The following FHIP1A variants were observed in gnomAD, a reference collection of about 807,000 sequenced individuals.
The protein encoded by FHIP1A is FHF complex subunit HOOK-interacting protein 1A.
FHIP1A carries 61 observed loss-of-function variants against 88.6 expected under a neutral mutation model. The observed-to-expected ratio is 0.69, with a 90% CI of 0.56 to 0.85. The LOEUF is 0.85. Ranked by LOEUF, FHIP1A falls within the 40% of genes least tolerant of loss-of-function variation. FHIP1A has a pLI of 0.00. For synonymous variants in FHIP1A, 478 were observed against 496.0 expected (o/e 0.96, Z 0.48); for missense variants, 1,154 against 1,273.5 (o/e 0.91, Z 1.43).
chr4:151,466,917 C>G (rs1338825738), intron 2 of FHIP1A, among the ~76,000 whole-genome samples: 1 of 151,984 alleles, frequency 6.6e-6, no homozygotes, highest in Non-Finnish European at 1.5e-5. Context: ...GGACATAGGC[C>G]TGGGCAGACT....
intron 8 of FHIP1A, among the ~76,000 whole-genome samples, chr4:151,637,956 T>C (rs180976194): frequency 6.6e-6 from 1 of 152,318 alleles, no homozygotes; most frequent in East Asian, 1.9e-4. Flanking sequence ...TTAAAATTAC[T>C]TAAATGGGCC....
chr4:151,582,523 G>T (rs568629212), intron 5 of FHIP1A, among the ~76,000 whole-genome samples: 2 of 152,206 alleles, frequency 1.3e-5, no homozygotes, highest in South Asian at 2.1e-4. Context: ...GCAGATTCTG[G>T]TTCAAAACTG....
intron 3 of FHIP1A, among the ~76,000 whole-genome samples, chr4:151,543,464 T>C (rs1464247920): frequency 6.6e-6 from 1 of 152,184 alleles, no homozygotes; most frequent in African/African-American, 2.4e-5. Context: ...AATTCTTTGA[T>C]TATAATTATT....
At chr4:151,662,467 A>AGG (rs1316168013) in intron 13 of FHIP1A, 34 bp from the exon 14 acceptor site, 2 of 1,491,052 alleles carry the variant, frequency 1.3e-6, no homozygotes, top group Non-Finnish European at 1.8e-6. Context: ...AAGGCTATGG[A>AGG]GGGACACCAT....
intron 8 of FHIP1A, among the ~76,000 whole-genome samples, chr4:151,631,580 C>T (rs529214650): frequency 6.6e-6 from 1 of 152,130 alleles, no homozygotes; most frequent in Non-Finnish European, 1.5e-5. Flanking sequence ...GACCCAGGCC[C>T]TTATTCCCTC....
chr4:151,423,802 A>G (rs952965211), intron 1 of FHIP1A, among the ~76,000 whole-genome samples: 1 of 152,208 alleles, frequency 6.6e-6, no homozygotes, highest in Admixed American at 6.5e-5. Context: ...TACCTGACAC[A>G]CAGAAAATCA....
At chr4:151,610,048 G>A (rs1735264409) in intron 7 of FHIP1A, among the ~76,000 whole-genome samples, 1 of 152,216 alleles carries the variant, frequency 6.6e-6, no homozygotes, top group Non-Finnish European at 1.5e-5. Context: ...TTAATATGAT[G>A]TGGATTTTAG....
intron 3 of FHIP1A, among the ~76,000 whole-genome samples, chr4:151,532,122 T>A (rs557874811): frequency 1.3e-5 from 2 of 152,228 alleles, no homozygotes; most frequent in African/African-American, 2.4e-5. Flanking sequence ...TGCTGTTGTT[T>A]GGTCTATATC....
intron 1 of FHIP1A, among the ~76,000 whole-genome samples, chr4:151,414,625 C>A (rs1732815198): frequency 1.3e-5 from 2 of 152,128 alleles, no homozygotes; most frequent in Admixed American, 6.5e-5. Context: ...GAAGGCATTA[C>A]TAAGGGGAGA....
intron 7 of FHIP1A, among the ~76,000 whole-genome samples, chr4:151,605,339 T>G (rs1243731388): frequency 6.6e-6 from 1 of 152,156 alleles, no homozygotes; most frequent in Non-Finnish European, 1.5e-5. Context: ...GGTAGAGACA[T>G]CGAGGTGAAT....
At chr4:151,637,140 C>T (rs1428426644) in intron 8 of FHIP1A, among the ~76,000 whole-genome samples, 1 of 152,078 alleles carries the variant, frequency 6.6e-6, no homozygotes, top group African/African-American at 2.4e-5. Context: ...TGAATCCACA[C>T]CTCATGCCAT....
At chr4:151,549,275 G>T (rs571854036) in intron 3 of FHIP1A, among the ~76,000 whole-genome samples, 1 of 152,142 alleles carries the variant, frequency 6.6e-6, no homozygotes, top group Non-Finnish European at 1.5e-5. Flanking sequence ...AATCAAGTGG[G>T]CAAAGAGAAC....
chr4:151,510,820 T>A (rs2126677159), intron 3 of FHIP1A, among the ~76,000 whole-genome samples: 1 of 152,356 alleles, frequency 6.6e-6, no homozygotes, highest in South Asian at 2.1e-4. Flanking sequence ...GAGACATTTT[T>A]GAATTGAGAG....
chr4:151,622,015 G>A (rs766710494), intron 7 of FHIP1A, among the ~76,000 whole-genome samples: 11 of 152,170 alleles, frequency 7.2e-5, no homozygotes, highest in Non-Finnish European at 1.5e-4. Context: ...CAGGGCTGCT[G>A]ATTTCCATCT....
intron 3 of FHIP1A, among the ~76,000 whole-genome samples, chr4:151,519,298 G>C (rs953214476): frequency 6.6e-6 from 1 of 152,076 alleles, no homozygotes; most frequent in South Asian, 2.1e-4. Context: ...CCATAGGTTA[G>C]TTTTGCTTGT....
At chr4:151,642,612 T>C (rs1012504488) in intron 9 of FHIP1A, among the ~76,000 whole-genome samples, 6 of 152,284 alleles carry the variant, frequency 3.9e-5, no homozygotes, top group African/African-American at 1.2e-4. Flanking sequence ...TATTGGTGCA[T>C]TGTTGGGGTT....
chr4:151,566,265 G>A lies in FHIP1A; in HGVS notation c.6G>A (p.Met2Ile). The change falls in exon 4 of 14, where the codon ATG becomes ATA. Residue 2 changes from methionine to isoleucine, a missense_variant. Met to Ile is a conservative substitution (Grantham distance 10). Transcript: ENST00000435205. The part of the protein sequence containing the change: M[M>I]SSVSTESKLQ... ...GCATTGATTTATGAAGGCTTATGAT[G>A]TCATCGGTTTCGACAGAAAGCAAAC... 6.5e-7 allele frequency: 1 copy of A among 1,547,378 alleles called. No individual in the cohort carries two copies. The highest frequency in any genetic ancestry group is 8.7e-7 in the Non-Finnish European group (1 of 1,143,450).
intron 7 of FHIP1A, among the ~76,000 whole-genome samples, chr4:151,600,941 G>A (rs1464872086): frequency 1.3e-5 from 2 of 152,160 alleles, no homozygotes; most frequent in Non-Finnish European, 2.9e-5. Flanking sequence ...GTCACACAGA[G>A]ACCACTCAAT....
intron 1 of FHIP1A, among the ~76,000 whole-genome samples, chr4:151,429,220 G>T (rs931697647): frequency 3.9e-5 from 6 of 152,202 alleles, no homozygotes; most frequent in Admixed American, 1.3e-4. Flanking sequence ...ACTTCATGAA[G>T]GCAGGCAGTT....
Sources: gnomAD v4.1 joint callset for allele counts (sites outside exome capture counted in the v4.1 genomes callset) on GRCh38, gnomAD v4.1.1 for gene constraint, MANE v1.5 for transcripts, NCBI Gene and HGNC (gene_info 2026-07-23, HGNC 2026-07-21) for gene names.